TSPAN7: variants seen among roughly 807,000 people sequenced by gnomAD.
TSPAN7 encodes tetraspanin-7.
A neutral mutation model predicts 17.6 loss-of-function variants in TSPAN7; 1 was observed. The ratio of observed to expected loss-of-function variants is 0.06; its 90% CI spans 0.02 to 0.27. The LOEUF (loss-of-function observed/expected upper bound fraction) is 0.27. TSPAN7 is among the 10% of genes least tolerant of loss of function. The pLI is 1.00. For missense variants in TSPAN7, 112 were observed against 201.7 expected, an observed-to-expected ratio of 0.56 and a Z score of 2.69; for synonymous variants, 78 against 79.0, an observed-to-expected ratio of 0.99 and a Z score of 0.07.
intron 1 of TSPAN7, among the ~76,000 whole-genome samples, chrX:38,644,103 C>T (rs999273868): frequency 7.2e-5 from 8 of 111,700 alleles, no homozygotes; most frequent in East Asian, 2.8e-4. Flanking sequence ...CAAACTCCCT[C>T]TTCTTCTCAA....
chrX:38,683,685 G>A (rs1311088025), intron 6 of TSPAN7, among the ~76,000 whole-genome samples: 1 of 112,726 alleles, frequency 8.9e-6, no homozygotes, highest in Non-Finnish European at 1.9e-5. Flanking sequence ...AGCTATTTAT[G>A]GTGCTGTCAG....
At chrX:38,659,988 G>A (rs1004002719) in intron 1 of TSPAN7, among the ~76,000 whole-genome samples, 22 of 107,996 alleles carry the variant, frequency 2.0e-4, no homozygotes, top group South Asian at 4.1e-4. Flanking sequence ...CACCACAGCC[G>A]GCTAATTTTT....
chrX:38,577,448 T>C (rs1385831869), intron 1 of TSPAN7, among the ~76,000 whole-genome samples: 1 of 110,224 alleles, frequency 9.1e-6, no homozygotes, highest in Admixed American at 9.7e-5. Context: ...ATAATCAGCC[T>C]TGTAAGATGT....
chrX:38,661,446 T>C (rs1336039807), intron 1 of TSPAN7, among the ~76,000 whole-genome samples: 4 of 112,311 alleles, frequency 3.6e-5, no homozygotes, highest in East Asian at 2.8e-4. Context: ...TTGCTACCCA[T>C]AAAATTTGAG....
At chrX:38,620,018 C>T (rs2069480645) in intron 1 of TSPAN7, among the ~76,000 whole-genome samples, 1 of 111,883 alleles carries the variant, frequency 8.9e-6, no homozygotes, top group African/African-American at 3.3e-5. Flanking sequence ...GTTATTTAGA[C>T]CCACTTGGAA....
chrX:38,679,902 A>G (rs759296071), intron 5 of TSPAN7, among the ~76,000 whole-genome samples: 22 of 111,246 alleles, frequency 2.0e-4, no homozygotes, highest in Non-Finnish European at 3.6e-4. Flanking sequence ...CAGATAACTA[A>G]GGAGTATAGT....
chrX:38,614,875 C>T (rs1380007532), intron 1 of TSPAN7, among the ~76,000 whole-genome samples: 1 of 112,394 alleles, frequency 8.9e-6, no homozygotes, highest in Non-Finnish European at 1.9e-5. Context: ...GTGTCATGAG[C>T]ACCAGCATCA....
At chrX:38,631,489 C>T (rs1317967396) in intron 1 of TSPAN7, among the ~76,000 whole-genome samples, 2 of 111,471 alleles carry the variant, frequency 1.8e-5, no homozygotes, top group East Asian at 5.6e-4. Flanking sequence ...AGAAAGTTCC[C>T]ACTCTGATCC....
intron 3 of TSPAN7, among the ~76,000 whole-genome samples, chrX:38,671,907 G>A (rs943087614): frequency 1.8e-5 from 2 of 110,762 alleles, no homozygotes; most frequent in African/African-American, 6.6e-5. Flanking sequence ...AATTAGCTGG[G>A]TGTGGTGGCT....
At chrX:38,593,596 CTA>C (rs1474610968) in intron 1 of TSPAN7, among the ~76,000 whole-genome samples, 1 of 112,395 alleles carries the variant, frequency 8.9e-6, no homozygotes, top group African/African-American at 3.2e-5. Flanking sequence ...GGTGATTAGG[CTA>C]TGAGAGCTCT....
intron 1 of TSPAN7, among the ~76,000 whole-genome samples, chrX:38,658,179 C>T (rs2069715907): frequency 9.0e-6 from 1 of 110,582 alleles, no homozygotes. Context: ...TGTTTTGTTT[C>T]CCATAAGTCT....
At chrX:38,579,725 C>T (rs1041589116) in intron 1 of TSPAN7, among the ~76,000 whole-genome samples, 10 of 110,991 alleles carry the variant, frequency 9.0e-5, no homozygotes, top group South Asian at 3.8e-4. Flanking sequence ...AAACAGAGAA[C>T]GATATGATAA....
intron 1 of TSPAN7, among the ~76,000 whole-genome samples, chrX:38,634,917 AG>A (rs201384807): frequency 0.03 from 3,332 of 110,536 alleles, 60 homozygotes; most frequent in Non-Finnish European, 0.047. Flanking sequence ...CATGGTCAGG[AG>A]GGATCCAGGA....
rs146709288 is a variant in TSPAN7 at position 38,658,040 on chromosome X, C to A, written c.82-8081C>A. On this transcript the variant is annotated intron_variant, in intron 1 of 7. Coordinates refer to ENST00000378482, the MANE Select transcript of TSPAN7 (RefSeq NM_004615.4). ...TGACCTAGCTCCTGAAACTTGAAGT[C>A]TATGAATTGGATCTAGGATGTAATA... 9.1e-5 allele frequency among the ~76,000 whole-genome samples: 10 copies of A among 110,450 alleles called. No individual in the cohort carries two copies. The East Asian group carries it at 2.8e-3, about 31-fold the overall frequency.
chrX:38,662,445 G>C lies in TSPAN7; in HGVS notation c.82-3676G>C, dbSNP rs149758292. Among the ~76,000 whole-genome samples, 911 of 111,505 alleles carry C rather than the reference G, an allele frequency of 8.2e-3. 5 individuals are homozygous for C. Among genetic ancestry groups the C allele is most frequent in the African/African-American group, 0.028 (857 of 30,633 alleles). The stretch of plus-strand genomic sequence containing the variant: ...AATGGACAGGTACAGAACATTGACT[G>C]TGTGCAAGGTACACAGCTCCCACCC... On this transcript the variant is annotated intron_variant, in intron 1 of 7. Coordinates refer to ENST00000378482, the MANE Select transcript of TSPAN7 (RefSeq NM_004615.4).
At chrX:38,663,631 T>C (rs2069763485) in intron 1 of TSPAN7, among the ~76,000 whole-genome samples, 1 of 112,620 alleles carries the variant, frequency 8.9e-6, no homozygotes, top group African/African-American at 3.2e-5. Flanking sequence ...GTATAGGTTT[T>C]GCACTTACAT....
intron 1 of TSPAN7, among the ~76,000 whole-genome samples, chrX:38,565,979 A>C (rs1261124819): frequency 9.0e-6 from 1 of 111,675 alleles, no homozygotes; most frequent in African/African-American, 3.3e-5. Flanking sequence ...AACCCCTCAC[A>C]ACAAAGAATT....
chrX:38,625,292 T>C (rs1334064227), intron 1 of TSPAN7, among the ~76,000 whole-genome samples: 2 of 111,250 alleles, frequency 1.8e-5, no homozygotes, highest in Non-Finnish European at 3.8e-5. Context: ...ACCCCTTTTC[T>C]TAACTACTGA....
At chrX:38,580,921 A>G (rs2069224199) in intron 1 of TSPAN7, among the ~76,000 whole-genome samples, 1 of 111,783 alleles carries the variant, frequency 8.9e-6, no homozygotes, top group African/African-American at 3.3e-5. Context: ...TGCTGCCCCA[A>G]GGGATAAATT....
Sources: allele counts gnomAD v4.1 joint callset (sites outside exome capture counted in the v4.1 genomes callset), GRCh38; gene constraint gnomAD v4.1.1; transcripts MANE v1.5; gene names NCBI Gene and HGNC (gene_info 2026-07-23, HGNC 2026-07-21).